The following TEKT3 variants were observed in gnomAD, a reference collection of about 807,000 sequenced individuals.
The protein encoded by TEKT3 is tektin 3.
TEKT3 carries 49 observed loss-of-function variants against 49.8 expected under a neutral mutation model. The observed-to-expected ratio is 0.98, with a 90% confidence interval of 0.78 to 1.25. The LOEUF (loss-of-function observed/expected upper bound fraction) is 1.25, where lower values mean the gene tolerates loss of function less well. Ranked by LOEUF, TEKT3 falls within the 50% of genes most tolerant of loss-of-function variation. The pLI, the probability that TEKT3 is intolerant of heterozygous loss-of-function variation, is 0.00. For synonymous variants in TEKT3, 225 were observed against 237.2 expected (o/e 0.95, Z 0.47); for missense variants, 595 against 629.5 (o/e 0.95, Z 0.59).
chr17:15,338,528 G>C (rs1912084066), intron 2 of TEKT3: 1 of 149,548 alleles, frequency 6.7e-6, no homozygotes, highest in Non-Finnish European at 1.5e-5. Context: ...TTTTGAGATG[G>C]AGTCTCGCTC....
chr17:15,329,570 G>A (rs1911631884), intron 3 of TEKT3, among the ~76,000 whole-genome samples: 1 of 152,230 alleles, frequency 6.6e-6, no homozygotes, highest in Non-Finnish European at 1.5e-5. Context: ...AGGCGTAGAA[G>A]CCCTTCTGAT....
At chr17:15,307,839 G>A (rs1910611140) in intron 8 of TEKT3, among the ~76,000 whole-genome samples, 1 of 152,144 alleles carries the variant, frequency 6.6e-6, no homozygotes, top group Non-Finnish European at 1.5e-5. Context: ...ATGAAACCCA[G>A]AAAGAAAAGG....
At chr17:15,308,493 A>G (rs751768251) in intron 8 of TEKT3, among the ~76,000 whole-genome samples, 171 bp downstream of exon 8, 14 of 152,186 alleles carry the variant, frequency 9.2e-5, no homozygotes, top group Non-Finnish European at 2.1e-4. Flanking sequence ...GGACTGTTTC[A>G]TCATCCCACA....
In TEKT3 at chr17:15,336,129, C is replaced by T. The variant is rs1006628222; in HGVS notation, c.-30+3899G>A. ...ACACACACACACACACACACACATA[C>T]GTGCACACACACAACCCCCTGCTGC... On this transcript the variant is annotated intron_variant, in intron 2 of 8. Coordinates refer to ENST00000395930, the MANE Select transcript of TEKT3 (RefSeq NM_031898.3). 5.9e-5 allele frequency among the ~76,000 whole-genome samples: 9 copies of T among 151,628 alleles called. No homozygotes were observed. In the South Asian group the frequency reaches 8.3e-4, roughly 14 times the overall value.
At chr17:15,339,672 C>G (rs919112885) in intron 2 of TEKT3, among the ~76,000 whole-genome samples, 2 of 152,164 alleles carry the variant, frequency 1.3e-5, no homozygotes, top group Admixed American at 6.5e-5. Flanking sequence ...CTGCAGAAGA[C>G]ACAAGTTTAC....
intron 2 of TEKT3, among the ~76,000 whole-genome samples, chr17:15,337,219 A>G (rs908208795): frequency 3.3e-5 from 5 of 152,086 alleles, no homozygotes; most frequent in Non-Finnish European, 5.9e-5. Context: ...TGAGGTCCTC[A>G]ATATTTTTAA....
intron 8 of TEKT3, among the ~76,000 whole-genome samples, chr17:15,306,081 T>TTATATATATATATATA (rs142438638): frequency 7.5e-6 from 1 of 132,812 alleles, no homozygotes; most frequent in Non-Finnish European, 1.6e-5. Flanking sequence ...CACAGTTTAT[T>TTATATATATATATATA]TATATATATG....
chr17:15,313,079 G>A (rs1336234109), intron 6 of TEKT3, among the ~76,000 whole-genome samples: 1 of 152,172 alleles, frequency 6.6e-6, no homozygotes, highest in African/African-American at 2.4e-5. Flanking sequence ...GGATATACGT[G>A]TGAGGATATT....
chr17:15,339,634 T>TAA (rs1912141251), intron 2 of TEKT3, among the ~76,000 whole-genome samples: 2 of 152,200 alleles, frequency 1.3e-5, no homozygotes, highest in East Asian at 3.8e-4. Context: ...ATAAATATTT[T>TAA]AAAGTACAAA....
chr17:15,322,321 C>A (rs1911303665), intron 4 of TEKT3, among the ~76,000 whole-genome samples: 1 of 152,168 alleles, frequency 6.6e-6, no homozygotes, highest in African/African-American at 2.4e-5. Flanking sequence ...TGACCAGAGG[C>A]AAGTAATAAA....
intron 4 of TEKT3, 28 bp from the exon 5 acceptor site, chr17:15,319,175 A>T: frequency 1.3e-6 from 2 of 1,557,888 alleles, no homozygotes; most frequent in Non-Finnish European, 1.8e-6. Context: ...AAACATATTA[A>T]TGTTTTCATT....
At chr17:15,336,561 GA>G (rs74330298) in intron 2 of TEKT3, among the ~76,000 whole-genome samples, 14,862 of 143,516 alleles carry the variant, frequency 0.1, 869 homozygotes, top group East Asian at 0.23. Context: ...GTGCTAATAA[GA>G]AAAAAAAAAA....
At chr17:15,306,979 T>C (rs1910578075) in intron 8 of TEKT3, 1 of 152,166 alleles carries the variant, frequency 6.6e-6, no homozygotes, top group Admixed American at 6.5e-5. Flanking sequence ...GAACCCACTT[T>C]GAAAAACATG....
intron 4 of TEKT3, among the ~76,000 whole-genome samples, chr17:15,319,966 A>G (rs1357147087): frequency 1.3e-5 from 2 of 152,222 alleles, no homozygotes; most frequent in African/African-American, 4.8e-5. Context: ...ACATTTTCTC[A>G]TGACATTAAA....
Position 15,341,097 on chromosome 17 carries a change from C to T in TEKT3, c.-64+421G>A, listed in dbSNP as rs117327656. Among the ~76,000 whole-genome samples, 78 of 152,322 alleles carry T rather than the reference C, an allele frequency of 5.1e-4. No homozygotes were observed. The East Asian group carries it at 0.015, about 29-fold the overall frequency. ...TACAAGACCAGGTGATTGAACTCTC[C>T]TCCCCGTGGCTGCAGATCTGAAGGC... On this transcript the variant is annotated intron_variant, in intron 1 of 8. Transcript: ENST00000395930.
At chr17:15,319,509 AT>A (rs1361607847) in intron 4 of TEKT3, among the ~76,000 whole-genome samples, 1 of 152,212 alleles carries the variant, frequency 6.6e-6, no homozygotes, top group South Asian at 2.1e-4. Context: ...GGCTTCTTCT[AT>A]AACAGCTGTT....
At chr17:15,308,607 C>G in intron 8 of TEKT3, 57 bp downstream of exon 8, 10 of 1,575,358 alleles carry the variant, frequency 6.3e-6, no homozygotes, top group Non-Finnish European at 8.7e-6. Context: ...GAGCCAGGCA[C>G]CACAGTTGGT....
At chr17:15,328,670 A>C (rs1465039078) in intron 3 of TEKT3, among the ~76,000 whole-genome samples, 1 of 152,214 alleles carries the variant, frequency 6.6e-6, no homozygotes, top group Non-Finnish European at 1.5e-5. Context: ...GATAGAGGTT[A>C]TAATGTTCTC....
At chr17:15,328,846 C>T (rs887824063) in intron 3 of TEKT3, among the ~76,000 whole-genome samples, 4 of 152,042 alleles carry the variant, frequency 2.6e-5, no homozygotes, top group African/African-American at 7.2e-5. Flanking sequence ...ATGCTTTTCT[C>T]GAAGACTATT....
Sources: allele counts gnomAD v4.1 joint callset (sites outside exome capture counted in the v4.1 genomes callset), GRCh38; gene constraint gnomAD v4.1.1; transcripts MANE v1.5; gene names NCBI Gene and HGNC (gene_info 2026-07-23, HGNC 2026-07-21).